The following ANXA10 variants were observed in gnomAD, a reference collection of about 807,000 sequenced individuals.
ANXA10 encodes annexin A10.
ANXA10 carries 49 observed loss-of-function variants against 53.5 expected under a neutral mutation model. The observed-to-expected ratio is 0.92, with a 90% CI of 0.73 to 1.16. The LOEUF is 1.16. ANXA10 is among the 50% of genes most tolerant of loss of function. The probability of loss-of-function intolerance (pLI) is 0.00; values close to 1 mark genes in which losing one functional copy is unlikely to be tolerated. For missense variants in ANXA10, 393 were observed against 394.4 expected (o/e 1.00, Z 0.03); for synonymous variants, 131 against 128.9 (o/e 1.02, Z -0.11).
rs371936649 is a variant in ANXA10, at chr4:168,175,351, C to A, written c.481-2389C>A. On this transcript the variant is annotated intron_variant, in intron 6 of 11. Transcript: ENST00000359299. ...ATTAATTGCTTCCAATTATTTGTTT[C>A]TTGGTATTAATTAAAATCATAAGAG... 1.4e-4 allele frequency among the ~76,000 whole-genome samples: 21 copies of A among 152,224 alleles called. No individual in the cohort carries two copies. In the East Asian group the frequency reaches 1.5e-3, roughly 11 times the overall value.
intron 1 of ANXA10, among the ~76,000 whole-genome samples, chr4:168,100,527 T>C (rs1233231438): frequency 6.6e-6 from 1 of 152,112 alleles, no homozygotes; most frequent in East Asian, 1.9e-4. Flanking sequence ...CTTCTCTCTC[T>C]TGTATGGGGT....
chr4:168,128,416 C>T (rs1346568614), intron 2 of ANXA10, among the ~76,000 whole-genome samples: 3 of 152,062 alleles, frequency 2.0e-5, no homozygotes, highest in East Asian at 1.9e-4. Flanking sequence ...TCCATAAGTG[C>T]CTCATCACTA....
chr4:168,133,583 A>G (rs1351504185), intron 2 of ANXA10, among the ~76,000 whole-genome samples: 1 of 152,172 alleles, frequency 6.6e-6, no homozygotes, highest in Non-Finnish European at 1.5e-5. Flanking sequence ...TTAAATGTTT[A>G]TACAGGAGAA....
chr4:168,184,584 T>C lies in ANXA10; in HGVS notation c.809T>C (p.Val270Ala). 1 of 1,614,028 alleles carries C rather than the reference T, an allele frequency of 6.2e-7. No individual in the cohort carries two copies. Among genetic ancestry groups the C allele is most frequent in the South Asian group, 1.1e-5 (1 of 91,082 alleles). The change falls in exon 11 of 12, where the codon GTA becomes GCA. Residue 270 changes from valine (V) to alanine (A), a missense_variant. By Grantham distance (64) the Val-to-Ala change is moderately conservative. Transcript: ENST00000359299. ...GACTTTGGTTTCCATAATAAAACTG[T>C]AATCAGGATTCTCATTGCCAGAAGT... ...IHDFGFHNKT[V>A]IRILIARSEI... is the part of the protein sequence containing the mutation.
At position 168,139,579 on chromosome 4, in the gene ANXA10, G is replaced by A. The variant is rs141013572; in HGVS notation, c.194G>A (p.Arg65Gln). The change falls in exon 3 of 12, where the codon CGG (arginine) becomes CAG (glutamine). Residue 65 changes from arginine (R) to glutamine (Q), a missense_variant and splice_region_variant. Physicochemically the swap from Arg to Gln is conservative, Grantham distance 43. Coordinates refer to ENST00000359299, the MANE Select transcript of ANXA10 (RefSeq NM_007193.5). Reference protein sequence around the residue: ...IAEAYQSMYGRDLIGDMREQL... With the variant: ...IAEAYQSMYGQDLIGDMREQL... The stretch of plus-strand genomic sequence containing the variant: ...GAGGCATACCAGAGCATGTATGGCC[G>A]GGTAAGGCCACTTTATCTTGACCTA... 5.3e-4 allele frequency: 845 copies of A among 1,606,148 alleles called. 1 individual carries two copies. The highest frequency in any genetic ancestry group is 6.8e-4 in the Non-Finnish European group (796 of 1,173,852).
chr4:168,153,331 G>A (rs1560782133), intron 3 of ANXA10, among the ~76,000 whole-genome samples: 2 of 150,716 alleles, frequency 1.3e-5, no homozygotes, highest in South Asian at 2.1e-4. Flanking sequence ...TTCTGGTTGG[G>A]CCAAGAAAGG....
chr4:168,111,062 G>T (rs550557541), intron 1 of ANXA10, among the ~76,000 whole-genome samples: 1 of 152,268 alleles, frequency 6.6e-6, no homozygotes, highest in Non-Finnish European at 1.5e-5. Flanking sequence ...ACTGTGCTTT[G>T]TGAGTGCTGA....
chr4:168,128,053 A>G (rs1378491593), intron 1 of ANXA10, 31 bp from the exon 2 acceptor site: 5 of 1,564,644 alleles, frequency 3.2e-6, no homozygotes, highest in Non-Finnish European at 1.8e-6. Flanking sequence ...ATGAATTATT[A>G]CAATCACTTT....
chr4:168,099,596 C>T (rs1430689936), intron 1 of ANXA10, among the ~76,000 whole-genome samples: 1 of 151,942 alleles, frequency 6.6e-6, no homozygotes, highest in Non-Finnish European at 1.5e-5. Context: ...CCTAATACAA[C>T]TTAACGACCA....
intron 2 of ANXA10, among the ~76,000 whole-genome samples, chr4:168,132,891 T>G (rs943159540): frequency 1.3e-5 from 2 of 152,138 alleles, no homozygotes; most frequent in Non-Finnish European, 2.9e-5. Flanking sequence ...AAATGCTATA[T>G]TTACAAATTT....
At chr4:168,109,152 C>G (rs1406299130) in intron 1 of ANXA10, among the ~76,000 whole-genome samples, 1 of 152,098 alleles carries the variant, frequency 6.6e-6, no homozygotes, top group African/African-American at 2.4e-5. Context: ...TGATGTTTCC[C>G]ACATTTTTTT....
chr4:168,164,603 A>C (rs1428456861), intron 5 of ANXA10, among the ~76,000 whole-genome samples: 1 of 152,192 alleles, frequency 6.6e-6, no homozygotes, highest in Non-Finnish European at 1.5e-5. Context: ...TACCCAGGAA[A>C]GACCCAGCAT....
At chr4:168,153,059 G>A (rs900771637) in intron 3 of ANXA10, among the ~76,000 whole-genome samples, 13 of 151,944 alleles carry the variant, frequency 8.6e-5, no homozygotes, top group African/African-American at 3.1e-4. Context: ...GCCCAGTCTA[G>A]TCTTGAACTC....
intron 7 of ANXA10, 34 bp downstream of exon 7, chr4:168,177,827 G>T: frequency 6.2e-7 from 1 of 1,614,124 alleles, no homozygotes; most frequent in Non-Finnish European, 8.5e-7. Flanking sequence ...TGACTGCAAA[G>T]AACCTGGGTT....
At chr4:168,156,565 G>A (rs919181508) in intron 3 of ANXA10, among the ~76,000 whole-genome samples, 4 of 149,392 alleles carry the variant, frequency 2.7e-5, no homozygotes, top group East Asian at 2.0e-4. Context: ...ATGCAATGGC[G>A]GGATCTCAGC....
At chr4:168,098,982 G>T (rs1399810107) in intron 1 of ANXA10, among the ~76,000 whole-genome samples, 1 of 152,012 alleles carries the variant, frequency 6.6e-6, no homozygotes, top group Non-Finnish European at 1.5e-5. Flanking sequence ...ATGTCTTCAT[G>T]TATTTTATCA....
At chr4:168,125,161 G>T (rs559525713) in intron 1 of ANXA10, among the ~76,000 whole-genome samples, 1 of 152,298 alleles carries the variant, frequency 6.6e-6, no homozygotes, top group South Asian at 2.1e-4. Flanking sequence ...ACCTTTAGGA[G>T]AATTTAGAGC....
At chr4:168,098,662 A>G (rs1445620155) in intron 1 of ANXA10, among the ~76,000 whole-genome samples, 1 of 152,134 alleles carries the variant, frequency 6.6e-6, no homozygotes, top group African/African-American at 2.4e-5. Flanking sequence ...GCAGAGTAAA[A>G]CTTGCTTCCT....
At chr4:168,144,160 C>T (rs1343170523) in intron 3 of ANXA10, among the ~76,000 whole-genome samples, 1 of 152,004 alleles carries the variant, frequency 6.6e-6, no homozygotes, top group East Asian at 1.9e-4. Flanking sequence ...GTCCTCTCTC[C>T]AGGTGCCAAG....
Sources: allele counts gnomAD v4.1 joint callset (sites outside exome capture counted in the v4.1 genomes callset), GRCh38; gene constraint gnomAD v4.1.1; transcripts MANE v1.5; gene names NCBI Gene and HGNC (gene_info 2026-07-23, HGNC 2026-07-21).